EYS: variants seen among roughly 807,000 people sequenced by gnomAD.
EYS encodes the protein EGF-like photoreceptor maintenance factor, also known as protein eyes shut homolog.
A neutral mutation model predicts 282.1 loss-of-function variants in EYS; 250 were observed. That is an observed-to-expected ratio of 0.89 (90% CI 0.80 to 0.98). The LOEUF is 0.98. EYS is among the 50% of genes least tolerant of loss of function. EYS has a pLI of 0.00. For missense variants in EYS, 4,016 were observed against 3,709.0 expected (o/e 1.08, Z -2.15); for synonymous variants, 1,355 against 1,282.9 (o/e 1.06, Z -1.20).
At chr6:63,955,810 C>T (rs1425090935) in intron 35 of EYS, among the ~76,000 whole-genome samples, 2 of 152,192 alleles carry the variant, frequency 1.3e-5, no homozygotes, top group African/African-American at 4.8e-5. Context: ...ATAGGATGTC[C>T]TGGGTCCTCC....
intron 26 of EYS, among the ~76,000 whole-genome samples, chr6:64,521,988 G>T (rs913825842): frequency 1.3e-5 from 2 of 151,732 alleles, no homozygotes; most frequent in African/African-American, 4.8e-5. Flanking sequence ...GTCCATGAAT[G>T]AATAAACATA....
intron 35 of EYS, among the ~76,000 whole-genome samples, chr6:63,968,566 C>T (rs1766412396): frequency 6.6e-6 from 1 of 152,146 alleles, no homozygotes; most frequent in Non-Finnish European, 1.5e-5. Context: ...AAGTTGATTT[C>T]TCATACCTAT....
chr6:63,978,155 T>C (rs1766929382), intron 35 of EYS, among the ~76,000 whole-genome samples: 1 of 151,960 alleles, frequency 6.6e-6, no homozygotes, highest in African/African-American at 2.4e-5. Flanking sequence ...CTGATTTTAG[T>C]GAATGAATTA....
At chr6:63,744,550 C>G (rs11758365) in intron 41 of EYS, 13,230 of 152,342 alleles carry the variant, frequency 0.087, 620 homozygotes, top group East Asian at 0.16. Flanking sequence ...CAATACTGGT[C>G]AGAAGGGCTT....
intron 2 of EYS, among the ~76,000 whole-genome samples, chr6:65,590,032 TAAGA>T (rs980582575): frequency 3.3e-5 from 5 of 152,110 alleles, no homozygotes; most frequent in East Asian, 1.9e-4. Flanking sequence ...TTAAAGCATA[TAAGA>T]AAGAAAGAAA....
chr6:65,156,363 A>G (rs1304909667), intron 12 of EYS, among the ~76,000 whole-genome samples: 3 of 151,026 alleles, frequency 2.0e-5, no homozygotes, highest in African/African-American at 7.3e-5. Context: ...GTAGTCTTAG[A>G]TCTTTGGCCC....
intron 32 of EYS, among the ~76,000 whole-genome samples, chr6:64,072,559 C>T (rs1771622076): frequency 6.6e-6 from 1 of 151,780 alleles, no homozygotes; most frequent in Admixed American, 6.6e-5. Context: ...TATTTAGAAA[C>T]ACAAAACTGC....
chr6:64,724,433 A>G (rs1374650748), intron 22 of EYS, among the ~76,000 whole-genome samples: 2 of 152,230 alleles, frequency 1.3e-5, no homozygotes, highest in Non-Finnish European at 2.9e-5. Context: ...CATGGTGCAA[A>G]TGGAAGTATG....
intron 26 of EYS, among the ~76,000 whole-genome samples, chr6:64,493,085 C>T (rs1262573515): frequency 6.6e-6 from 1 of 151,348 alleles, no homozygotes; most frequent in African/African-American, 2.4e-5. Context: ...TCATCTATGT[C>T]TAGAGAAATA....
At chr6:64,396,053 C>G (rs1288022584) in intron 28 of EYS, among the ~76,000 whole-genome samples, 2 of 152,066 alleles carry the variant, frequency 1.3e-5, no homozygotes, top group African/African-American at 4.8e-5. Context: ...ACAACATACA[C>G]AAGCATGCAC....
At chr6:63,995,164 A>G (rs1270512286) in intron 34 of EYS, among the ~76,000 whole-genome samples, 2 of 152,046 alleles carry the variant, frequency 1.3e-5, no homozygotes, top group Non-Finnish European at 2.9e-5. Context: ...AGGAATTTCT[A>G]CAACTCAATA....
intron 19 of EYS, among the ~76,000 whole-genome samples, chr6:64,868,208 G>T (rs1240987202): frequency 6.6e-6 from 1 of 151,020 alleles, no homozygotes; most frequent in South Asian, 2.1e-4. Context: ...AATACTTATT[G>T]AACCCTTTGA....
At chr6:64,896,650 T>C (rs1039384889) in intron 18 of EYS, among the ~76,000 whole-genome samples, 1 of 151,860 alleles carries the variant, frequency 6.6e-6, no homozygotes, top group African/African-American at 2.4e-5. Flanking sequence ...CCAAGTGGTC[T>C]TGCTCAGCAG....
At chr6:64,288,105 C>T (rs1313023461) in intron 30 of EYS, among the ~76,000 whole-genome samples, 2 of 152,110 alleles carry the variant, frequency 1.3e-5, no homozygotes, top group Non-Finnish European at 2.9e-5. Context: ...CCAGTTCTTT[C>T]ATGCATTTCA....
At chr6:65,120,497 T>C (rs927911921) in intron 12 of EYS, among the ~76,000 whole-genome samples, 3 of 125,340 alleles carry the variant, frequency 2.4e-5, no homozygotes, top group Non-Finnish European at 5.5e-5. Flanking sequence ...TTTGGTTCCT[T>C]TAAGATATAT....
intron 10 of EYS, among the ~76,000 whole-genome samples, chr6:65,338,409 T>G (rs9453255): frequency 0.58 from 87,067 of 150,670 alleles, 27,754 homozygotes; most frequent in East Asian, 0.9. Context: ...GAATCAAAGA[T>G]CTGCTTAAAG....
chr6:63,986,219 GA>G lies in EYS; in HGVS notation c.6835-1617del, dbSNP rs554806196. ...GAGAAATGCAAATCAAAACCACAAT[GA>G]GATACCATCTCACACCAGTCAGAAG... On this transcript the variant is annotated intron_variant, in intron 34 of 42. Coordinates refer to ENST00000503581, the MANE Select transcript of EYS (RefSeq NM_001142800.2). Among the ~76,000 whole-genome samples, 412 of 151,866 alleles carry G rather than the reference GA, an allele frequency of 2.7e-3. 2 individuals are homozygous for G. The highest frequency in any genetic ancestry group is 9.5e-3 in the African/African-American group (394 of 41,456).
chr6:64,796,641 G>A (rs1435327927), intron 22 of EYS, among the ~76,000 whole-genome samples: 1 of 152,082 alleles, frequency 6.6e-6, no homozygotes, highest in Admixed American at 6.6e-5. Context: ...ACACACAGAC[G>A]CTATATTCTG....
intron 12 of EYS, among the ~76,000 whole-genome samples, chr6:65,222,530 A>G (rs1042541696): frequency 2.0e-5 from 3 of 152,198 alleles, no homozygotes; most frequent in African/African-American, 7.2e-5. Flanking sequence ...TCTTTCCTTT[A>G]TAAATTACTC....
Sources: gnomAD v4.1 joint callset for allele counts (sites outside exome capture counted in the v4.1 genomes callset) on GRCh38, gnomAD v4.1.1 for gene constraint, MANE v1.5 for transcripts, NCBI Gene and HGNC (gene_info 2026-07-23, HGNC 2026-07-21) for gene names.